Variants in NEK11 observed in about 807,000 individuals in gnomAD.
NEK11 encodes serine/threonine-protein kinase Nek11.
NEK11 carries 72 observed loss-of-function variants against 80.7 expected under a neutral mutation model. The ratio of observed to expected loss-of-function variants is 0.89; its 90% confidence interval spans 0.74 to 1.08. The LOEUF (loss-of-function observed/expected upper bound fraction) is 1.08, where lower values mean the gene tolerates loss of function less well. Ranked by LOEUF, NEK11 falls within the 50% of genes least tolerant of loss-of-function variation. The pLI, the probability that NEK11 is intolerant of heterozygous loss-of-function variation, is 0.00. For synonymous variants in NEK11, 251 were observed against 260.7 expected, an observed-to-expected ratio of 0.96 and a Z score of 0.36; for missense variants, 764 against 763.6, an observed-to-expected ratio of 1.00 and a Z score of -0.01.
intron 11 of NEK11, among the ~76,000 whole-genome samples, chr3:131,163,126 C>T (rs912275081): frequency 5.3e-5 from 8 of 152,196 alleles, no homozygotes; most frequent in South Asian, 4.2e-4. Context: ...AACCCTTGTG[C>T]AGTAGTGGTG....
chr3:131,154,890 A>C (rs1475497074), intron 9 of NEK11, 146 bp from the exon 10 acceptor site: 3 of 558,660 alleles, frequency 5.4e-6, no homozygotes, highest in Admixed American at 3.0e-5. Context: ...AATTTTACAT[A>C]ACCCAGGGAA....
At chr3:131,052,485 G>C (rs774874165) in intron 3 of NEK11, among the ~76,000 whole-genome samples, 3 of 151,978 alleles carry the variant, frequency 2.0e-5, no homozygotes, top group Non-Finnish European at 2.9e-5. Flanking sequence ...TTACTATCAG[G>C]GGTGTTTTGC....
chr3:131,211,395 T>G (rs1338071638), intron 14 of NEK11, among the ~76,000 whole-genome samples: 1 of 152,208 alleles, frequency 6.6e-6, no homozygotes, highest in African/African-American at 2.4e-5. Flanking sequence ...CTGGCTGCCC[T>G]TAACATTTTT....
At chr3:131,279,129 G>A (rs1410062540) in intron 17 of NEK11, among the ~76,000 whole-genome samples, 3 of 151,906 alleles carry the variant, frequency 2.0e-5, no homozygotes, top group Non-Finnish European at 4.4e-5. Flanking sequence ...CCAGCACTTT[G>A]AGAGACCAAG....
At chr3:131,280,496 T>A (rs1470371311) in intron 17 of NEK11, among the ~76,000 whole-genome samples, 1 of 152,222 alleles carries the variant, frequency 6.6e-6, no homozygotes, top group Non-Finnish European at 1.5e-5. Context: ...TCAGTGTATG[T>A]TTATAAATAG....
chr3:131,124,478 C>A (rs2149497223), intron 5 of NEK11, among the ~76,000 whole-genome samples: 1 of 151,956 alleles, frequency 6.6e-6, no homozygotes, highest in South Asian at 2.1e-4. Flanking sequence ...CAATCATATC[C>A]CCCTGCCACA....
At chr3:131,299,841 GTTGCAC>G (rs1324814701) in intron 17 of NEK11, among the ~76,000 whole-genome samples, 2 of 152,128 alleles carry the variant, frequency 1.3e-5, no homozygotes, top group Non-Finnish European at 2.9e-5. Context: ...GAACACATGT[GTTGCAC>G]TTGTCTTTAT....
intron 5 of NEK11, among the ~76,000 whole-genome samples, chr3:131,130,918 C>T (rs2084331465): frequency 1.3e-5 from 2 of 152,214 alleles, no homozygotes; most frequent in African/African-American, 4.8e-5. Flanking sequence ...TCTCCTGCCA[C>T]AGCCTCACAA....
intron 17 of NEK11, among the ~76,000 whole-genome samples, chr3:131,291,854 G>C (rs1294047670): frequency 6.6e-6 from 1 of 152,120 alleles, no homozygotes. Context: ...CCCCTTATCA[G>C]ATAAGTGTTT....
At chr3:131,057,349 C>T (rs1037254141) in intron 3 of NEK11, among the ~76,000 whole-genome samples, 4 of 152,202 alleles carry the variant, frequency 2.6e-5, no homozygotes, top group South Asian at 2.1e-4. Context: ...AGTAAACATA[C>T]GTGTGCATGT....
chr3:131,306,879 C>A (rs1482743949), intron 17 of NEK11, among the ~76,000 whole-genome samples: 1 of 152,140 alleles, frequency 6.6e-6, no homozygotes, highest in Admixed American at 6.6e-5. Flanking sequence ...AGGAATTCAT[C>A]AGTTACAGTT....
chr3:131,154,813 G>A, intron 9 of NEK11: 1 of 500,280 alleles, frequency 2.0e-6, no homozygotes, highest in Non-Finnish European at 3.6e-6. Flanking sequence ...AGCAAGCAGT[G>A]CAAGATGAAG....
intron 17 of NEK11, among the ~76,000 whole-genome samples, chr3:131,277,764 C>A (rs1299636925): frequency 6.6e-6 from 1 of 152,216 alleles, no homozygotes; most frequent in Non-Finnish European, 1.5e-5. Flanking sequence ...TTGCCACTGA[C>A]TAATATGTGT....
intron 4 of NEK11, among the ~76,000 whole-genome samples, chr3:131,096,711 T>G (rs1274005850): frequency 1.3e-5 from 2 of 151,848 alleles, no homozygotes; most frequent in African/African-American, 4.8e-5. Context: ...ACTTTTTATT[T>G]TAATTTAATT....
intron 15 of NEK11, among the ~76,000 whole-genome samples, chr3:131,229,810 TAG>T (rs1201635132): frequency 2.0e-5 from 3 of 151,796 alleles, no homozygotes; most frequent in Non-Finnish European, 4.4e-5. Flanking sequence ...GAGAAAGGAT[TAG>T]AGAGAGATAA....
At chr3:131,299,813 T>C (rs563032939) in intron 17 of NEK11, among the ~76,000 whole-genome samples, 24 of 152,374 alleles carry the variant, frequency 1.6e-4, no homozygotes, top group African/African-American at 5.8e-4. Context: ...TCTTTGCTTT[T>C]GTGAATAGTG....
At chr3:131,318,529 A>G (rs1238207968) in intron 17 of NEK11, among the ~76,000 whole-genome samples, 2 of 152,136 alleles carry the variant, frequency 1.3e-5, no homozygotes, top group Non-Finnish European at 2.9e-5. Context: ...TAAATAGCCT[A>G]AAAGTATCAA....
intron 3 of NEK11, among the ~76,000 whole-genome samples, chr3:131,052,452 C>T (rs560882019): frequency 6.6e-6 from 1 of 151,942 alleles, no homozygotes; most frequent in Non-Finnish European, 1.5e-5. Flanking sequence ...AGTCTCATTC[C>T]AGGGGTTTGA....
chr3:131,060,756 A>G (rs2070703657), intron 3 of NEK11, among the ~76,000 whole-genome samples: 2 of 152,280 alleles, frequency 1.3e-5, no homozygotes, highest in African/African-American at 4.8e-5. Context: ...ACCATTTTGC[A>G]TTCCCACCAG....
Sources: allele counts gnomAD v4.1 joint callset (sites outside exome capture counted in the v4.1 genomes callset), GRCh38; gene constraint gnomAD v4.1.1; transcripts MANE v1.5; gene names NCBI Gene and HGNC (gene_info 2026-07-23, HGNC 2026-07-21).